The following RASSF9 variants were observed in gnomAD, a reference collection of about 807,000 sequenced individuals.
RASSF9 encodes the protein Ras association domain family member 9, also known as ras association domain-containing protein 9.
A neutral mutation model predicts 21.4 loss-of-function variants in RASSF9; 18 were observed. That is an observed-to-expected ratio of 0.84 (90% CI 0.58 to 1.25). The LOEUF is 1.25. RASSF9 is among the 50% of genes most tolerant of loss of function. The pLI is 0.00. For missense variants in RASSF9, 480 were observed against 503.2 expected, an observed-to-expected ratio of 0.95 and a Z score of 0.44; for synonymous variants, 183 against 179.1, an observed-to-expected ratio of 1.02 and a Z score of -0.18.
chr12:85,810,212 G>A (rs966044154), intron 1 of RASSF9, among the ~76,000 whole-genome samples: 3 of 151,794 alleles, frequency 2.0e-5, no homozygotes, highest in Non-Finnish European at 2.9e-5. Flanking sequence ...ATGTGGCTGC[G>A]GCTGAGTTTC....
At chr12:85,807,645 G>A (rs538703062) in intron 1 of RASSF9, among the ~76,000 whole-genome samples, 4 of 151,966 alleles carry the variant, frequency 2.6e-5, no homozygotes, top group East Asian at 3.9e-4. Flanking sequence ...TACCCAGCAC[G>A]GAGAGGCACA....
chr12:85,835,362 A>T, intron 1 of RASSF9, among the ~76,000 whole-genome samples: 1 of 152,210 alleles, frequency 6.6e-6, no homozygotes, highest in Admixed American at 6.5e-5. Flanking sequence ...ATGTGTAAAT[A>T]AAATATTTAA....
intron 1 of RASSF9, among the ~76,000 whole-genome samples, chr12:85,808,120 T>C (rs907616597): frequency 1.3e-5 from 2 of 152,174 alleles, no homozygotes; most frequent in African/African-American, 4.8e-5. Flanking sequence ...GTTTATGTTT[T>C]GGCAGCAATA....
chr12:85,804,793 G>A lies in RASSF9; in HGVS notation c.1217C>T (p.Thr406Ile). Residue 406 changes from threonine to isoleucine, a missense_variant, in exon 2 of 2, where the codon ACA becomes ATA. By Grantham distance (89) the Thr-to-Ile change is moderately conservative (BLOSUM62 -1). Coordinates refer to ENST00000361228, the MANE Select transcript of RASSF9 (RefSeq NM_005447.4). ...PFTQRVFSNY[T>I]NDTDSDTGIS... ...ACCAGTGTCCGAGTCTGTGTCATTT[G>A]TGTAATTGCTAAATACTCTTTGAGT... The A allele has an allele frequency of 6.2e-7, 1 of 1,613,556 alleles. No homozygotes were observed. The highest frequency in any genetic ancestry group is 1.1e-5 in the South Asian group (1 of 91,070).
intron 1 of RASSF9, among the ~76,000 whole-genome samples, chr12:85,826,039 G>C (rs184278055): frequency 6.6e-6 from 1 of 152,292 alleles, no homozygotes; most frequent in East Asian, 1.9e-4. Flanking sequence ...CCATATGGTT[G>C]TCAGGAGGGA....
chr12:85,809,207 TAAC>T (rs1879898048), intron 1 of RASSF9, among the ~76,000 whole-genome samples: 1 of 152,136 alleles, frequency 6.6e-6, no homozygotes, highest in East Asian at 1.9e-4. Context: ...TCCGCAGTTC[TAAC>T]AACTACACTA....
At chr12:85,835,144 G>A (rs979008003) in intron 1 of RASSF9, among the ~76,000 whole-genome samples, 2 of 152,062 alleles carry the variant, frequency 1.3e-5, no homozygotes, top group African/African-American at 4.8e-5. Flanking sequence ...ATATTGTCAT[G>A]TAGACACTTT....
intron 1 of RASSF9, among the ~76,000 whole-genome samples, chr12:85,821,908 T>C (rs141423908): frequency 6.6e-6 from 1 of 152,282 alleles, no homozygotes; most frequent in African/African-American, 2.4e-5. Context: ...ATTCCGGAAA[T>C]TGATTATAGT....
intron 1 of RASSF9, among the ~76,000 whole-genome samples, chr12:85,821,199 C>T (rs1290674259): frequency 2.0e-5 from 3 of 152,006 alleles, no homozygotes; most frequent in Admixed American, 1.3e-4. Context: ...GTTTGTTTGG[C>T]TATTTTCTAC....
At chr12:85,826,734 C>T (rs1035586545) in intron 1 of RASSF9, among the ~76,000 whole-genome samples, 6 of 151,630 alleles carry the variant, frequency 4.0e-5, no homozygotes, top group Admixed American at 2.6e-4. Flanking sequence ...TGAGCCACCG[C>T]GCCTGGCCCA....
In RASSF9 at chr12:85,805,526, T is replaced by G; in HGVS notation, c.484A>C (p.Arg162=). 6.2e-7 allele frequency: 1 copy of G among 1,613,992 alleles called. No homozygotes were observed. The highest frequency in any genetic ancestry group is 8.5e-7 in the Non-Finnish European group (1 of 1,179,902). The change falls in exon 2 of 2, where the codon AGG becomes CGG. Residue 162 remains arginine, a synonymous_variant. Transcript: ENST00000361228. ...LPPDKQKRIV[R]KTFRKLAKIK... is the part of the protein sequence containing the mutation. ...TTAGCCAGTTTCCGGAAAGTTTTCC[T>G]GACTATTCTTTTTTGTTTATCTGGT... is the stretch of plus-strand genomic sequence containing the variant.
At chr12:85,823,398 T>C (rs867487097) in intron 1 of RASSF9, among the ~76,000 whole-genome samples, 1 of 152,122 alleles carries the variant, frequency 6.6e-6, no homozygotes, top group Non-Finnish European at 1.5e-5. Context: ...ACTGTTACGA[T>C]GCCATTCTCA....
chr12:85,818,416 A>G (rs1880126376), intron 1 of RASSF9, among the ~76,000 whole-genome samples: 1 of 152,216 alleles, frequency 6.6e-6, no homozygotes, highest in Non-Finnish European at 1.5e-5. Context: ...TAGTAAATCC[A>G]ATATAATAAT....
rs750233982 is a variant in RASSF9 at position 85,805,874 on chromosome 12, G to C, written c.136C>G (p.Arg46Gly). ...EEKLVCGLTKRTTSADVIQAL... is the reference protein window; with the variant it reads ...EEKLVCGLTKGTTSADVIQAL... The stretch of plus-strand genomic sequence containing the variant: ...TGGATGACATCAGCAGAGGTGGTGC[G>C]TTTAGTCAGCCCACAGACAAGCTTC... Residue 46 changes from arginine to glycine, a missense_variant, in exon 2 of 2, where the codon CGC (arginine) becomes GGC (glycine). Physicochemically the swap from Arg to Gly is moderately radical, Grantham distance 125 (BLOSUM62 -2). Transcript: ENST00000361228. The C allele has an allele frequency of 2.5e-6, 4 of 1,613,912 alleles. No homozygotes were observed. The Admixed American group carries it at 6.7e-5, about 27-fold the overall frequency.
rs1382368643 is a variant in RASSF9, at chr12:85,803,274, G to A, written c.*1428C>T. On this transcript the variant is annotated 3_prime_UTR_variant, in exon 2 of 2. Transcript: ENST00000361228. ...AAGAATAAAAGAGAAGAAATGAGAA[G>A]GATTGGGACCCTTAACCAATGTCCA... 2 of 151,908 alleles carry A rather than the reference G, an allele frequency of 1.3e-5. No individual in the cohort carries two copies. Among genetic ancestry groups the A allele is most frequent in the Non-Finnish European group, 2.9e-5 (2 of 67,960 alleles). The allele number at this position is 151,908 out of a possible 1,614,324, so 9.4% of individuals were successfully genotyped here. A position where few individuals can be genotyped will look rare whatever the true frequency, so the allele number is the denominator to read the frequency against.
chr12:85,829,489 A>G (rs926518802), intron 1 of RASSF9, among the ~76,000 whole-genome samples: 3 of 151,958 alleles, frequency 2.0e-5, no homozygotes, highest in African/African-American at 4.8e-5. Flanking sequence ...TTTTCCACCA[A>G]CTCAACTAAG....
At chr12:85,830,804 A>G (rs547669777) in intron 1 of RASSF9, among the ~76,000 whole-genome samples, 1 of 152,214 alleles carries the variant, frequency 6.6e-6, no homozygotes, top group East Asian at 1.9e-4. Flanking sequence ...ATCACTTTCA[A>G]TTTTATCCAA....
At chr12:85,821,863 T>C (rs560961289) in intron 1 of RASSF9, among the ~76,000 whole-genome samples, 1 of 152,280 alleles carries the variant, frequency 6.6e-6, no homozygotes, top group South Asian at 2.1e-4. Flanking sequence ...TATTGGAAAC[T>C]ACTTGGGGTT....
intron 1 of RASSF9, among the ~76,000 whole-genome samples, chr12:85,818,491 T>G (rs113279955): frequency 3.9e-5 from 6 of 152,220 alleles, no homozygotes; most frequent in Non-Finnish European, 7.3e-5. Context: ...TTTGAACCTA[T>G]TGAGAAAATT....
Sources: gnomAD v4.1 joint callset for allele counts (sites outside exome capture counted in the v4.1 genomes callset) on GRCh38, gnomAD v4.1.1 for gene constraint, MANE v1.5 for transcripts, NCBI Gene and HGNC (gene_info 2026-07-23, HGNC 2026-07-21) for gene names.